Variants in KALRN observed in about 807,000 individuals in gnomAD.
KALRN encodes kalirin.
A neutral mutation model predicts 353.7 loss-of-function variants in KALRN; 70 were observed. The ratio of observed to expected loss-of-function variants is 0.20; its 90% CI spans 0.16 to 0.24. The LOEUF is 0.24. Ranked by LOEUF, KALRN falls within the 10% of genes least tolerant of loss-of-function variation. The pLI is 1.00. For missense variants in KALRN, 2,791 were observed against 3,756.7 expected (o/e 0.74, Z 6.72); for synonymous variants, 1,391 against 1,434.8 (o/e 0.97, Z 0.69).
intron 1 of KALRN, among the ~76,000 whole-genome samples, chr3:124,126,599 C>T (rs1345885694): frequency 1.3e-5 from 2 of 152,206 alleles, no homozygotes; most frequent in Non-Finnish European, 2.9e-5. Flanking sequence ...ATTTGGGGCA[C>T]AAGGCCAGAT....
intron 32 of KALRN, among the ~76,000 whole-genome samples, chr3:124,493,798 C>T (rs957462173): frequency 6.6e-5 from 10 of 152,216 alleles, no homozygotes; most frequent in African/African-American, 2.4e-4. Context: ...GTGGAGAAAC[C>T]TCCATGGGGC....
intron 1 of KALRN, among the ~76,000 whole-genome samples, chr3:124,137,779 G>A (rs1004683139): frequency 1.3e-5 from 2 of 152,158 alleles, no homozygotes; most frequent in Admixed American, 1.3e-4. Context: ...CTAGAGAAGG[G>A]AAAAGGCTAA....
At chr3:124,115,412 G>T (rs1299264438) in intron 1 of KALRN, among the ~76,000 whole-genome samples, 2 of 152,156 alleles carry the variant, frequency 1.3e-5, no homozygotes, top group Non-Finnish European at 2.9e-5. Flanking sequence ...TGATTGTTTC[G>T]ATATGTTCTC....
chr3:124,203,543 G>T (rs1309455097), intron 1 of KALRN, among the ~76,000 whole-genome samples: 2 of 152,188 alleles, frequency 1.3e-5, no homozygotes, highest in Non-Finnish European at 2.9e-5. Context: ...GAAGAGAGAG[G>T]TTGGAGGGAC....
intron 1 of KALRN, among the ~76,000 whole-genome samples, chr3:124,181,491 A>G (rs182855135): frequency 6.6e-6 from 1 of 152,274 alleles, no homozygotes; most frequent in East Asian, 1.9e-4. Context: ...GTGCTTTTAA[A>G]GGCTTTAAAA....
chr3:124,077,341 G>C (rs2060308307), intron 1 of KALRN, among the ~76,000 whole-genome samples: 1 of 152,202 alleles, frequency 6.6e-6, no homozygotes, highest in Admixed American at 6.5e-5. Flanking sequence ...GCAATGCTTA[G>C]GGAGAGGAAA....
chr3:124,329,431 G>T (rs573240233), intron 7 of KALRN, among the ~76,000 whole-genome samples: 3 of 152,278 alleles, frequency 2.0e-5, no homozygotes, highest in East Asian at 3.9e-4. Flanking sequence ...ACAACTGGAT[G>T]TACATACTGT....
chr3:124,415,781 G>C (rs888026990), intron 14 of KALRN, among the ~76,000 whole-genome samples: 1 of 152,204 alleles, frequency 6.6e-6, no homozygotes, highest in Admixed American at 6.5e-5. Flanking sequence ...TTGCTACTCA[G>C]TGTGGGCCCT....
At chr3:124,428,121 T>C (rs549718858) in intron 15 of KALRN, among the ~76,000 whole-genome samples, 1 of 152,286 alleles carries the variant, frequency 6.6e-6, no homozygotes, top group South Asian at 2.1e-4. Context: ...GAAGAATAAC[T>C]AGCCAGTTTT....
intron 33 of KALRN, among the ~76,000 whole-genome samples, chr3:124,497,962 T>C (rs533536933): frequency 6.6e-6 from 1 of 152,304 alleles, no homozygotes; most frequent in East Asian, 1.9e-4. Flanking sequence ...TGGCAAGGTA[T>C]GTGGGGCTGG....
In KALRN at chr3:124,234,947, A is replaced by G. The variant is rs895553781; in HGVS notation, c.263+4A>G. On this transcript the variant is annotated splice_donor_region_variant and intron_variant, in intron 3 of 59. Transcript: ENST00000682506. Reference sequence around the variant, plus strand: ...CGTATTTGGCCAGCGTGCCAAGGTAAGGGGAAGGGGAATGGCCTGCAGGGG... The same window carrying G: ...CGTATTTGGCCAGCGTGCCAAGGTAGGGGGAAGGGGAATGGCCTGCAGGGG... 4.4e-6 allele frequency: 7 copies of G among 1,586,414 alleles called. No homozygotes were observed. The highest frequency in any genetic ancestry group is 2.7e-5 in the African/African-American group (2 of 74,328).
intron 34 of KALRN, among the ~76,000 whole-genome samples, chr3:124,629,377 A>T (rs2080476984): frequency 6.6e-6 from 1 of 151,812 alleles, no homozygotes; most frequent in Non-Finnish European, 1.5e-5. Flanking sequence ...CAAAGCAGTA[A>T]CAACAACAAC....
intron 19 of KALRN, among the ~76,000 whole-genome samples, chr3:124,442,866 C>G (rs932382368): frequency 3.3e-5 from 5 of 151,778 alleles, no homozygotes; most frequent in Admixed American, 3.3e-4. Context: ...GCCTATAGCT[C>G]TAGTTATTCA....
chr3:124,163,325 G>T (rs1341366109), intron 1 of KALRN: 1 of 152,320 alleles, frequency 6.6e-6, no homozygotes, highest in Non-Finnish European at 1.5e-5. Context: ...CAGAGGGAAG[G>T]AGCCATGGAT....
At chr3:124,420,414 T>C (rs2092725192) in intron 14 of KALRN, among the ~76,000 whole-genome samples, 2 of 152,226 alleles carry the variant, frequency 1.3e-5, no homozygotes, top group Admixed American at 1.3e-4. Context: ...AAAGAGCGTC[T>C]GCTTCTGCAG....
chr3:124,320,788 A>G (rs967795218), intron 6 of KALRN, among the ~76,000 whole-genome samples: 9 of 152,204 alleles, frequency 5.9e-5, no homozygotes. Flanking sequence ...TGGGTCAAGG[A>G]AAAACTTATA....
chr3:124,623,425 C>CAAA (rs200947454), intron 34 of KALRN, among the ~76,000 whole-genome samples: 3 of 147,516 alleles, frequency 2.0e-5, no homozygotes, highest in Non-Finnish European at 4.5e-5. Context: ...CACACACACA[C>CAAA]ACAAAAGGGA....
rs546370414 is a variant in KALRN, at chr3:124,195,430, G to T, written c.74-32560G>T. 1.6e-4 allele frequency among the ~76,000 whole-genome samples: 24 copies of T among 152,260 alleles called. No homozygotes were observed. The South Asian group carries it at 5.0e-3, about 32-fold the overall frequency. On this transcript the variant is annotated intron_variant, in intron 1 of 59. Coordinates refer to ENST00000682506, the MANE Select transcript of KALRN (RefSeq NM_001388419.1). ...TGGGGAAAGGGTCCTGAGGAGCTGGGTCTGACTTTCTAAGAGCCATAATAA... is the reference window on the plus strand; with the variant it reads ...TGGGGAAAGGGTCCTGAGGAGCTGGTTCTGACTTTCTAAGAGCCATAATAA...
intron 1 of KALRN, among the ~76,000 whole-genome samples, chr3:124,066,007 G>A (rs72970980): frequency 0.13 from 19,200 of 152,140 alleles, 1,581 homozygotes; most frequent in African/African-American, 0.24. Flanking sequence ...GTAGAGCTGG[G>A]CTTGACGGGG....
Sources: allele counts gnomAD v4.1 joint callset (sites outside exome capture counted in the v4.1 genomes callset), GRCh38; gene constraint gnomAD v4.1.1; transcripts MANE v1.5; gene names NCBI Gene and HGNC (gene_info 2026-07-23, HGNC 2026-07-21).